LY86: variants seen among roughly 807,000 people sequenced by gnomAD.
LY86 encodes the protein lymphocyte antigen 86, also known as MD-1, RP105-associated.
A neutral mutation model predicts 17.3 loss-of-function variants in LY86; 20 were observed. The observed-to-expected ratio is 1.15, with a 90% confidence interval of 0.81 to 1.68. The LOEUF (loss-of-function observed/expected upper bound fraction) is 1.68, where lower values mean the gene tolerates loss of function less well. LY86 is among the 40% of genes most tolerant of loss of function. LY86 has a pLI of 0.00. For missense variants in LY86, 200 were observed against 191.9 expected (o/e 1.04, Z -0.25); for synonymous variants, 74 against 70.6 (o/e 1.05, Z -0.24).
chr6:6,618,977 G>C (rs562965737), intron 1 of LY86, among the ~76,000 whole-genome samples: 104 of 152,334 alleles, frequency 6.8e-4, no homozygotes, highest in South Asian at 1.5e-3. Context: ...GTGGCATTAA[G>C]GACAGAAAAG....
At chr6:6,601,835 C>T (rs1412908749) in intron 1 of LY86, among the ~76,000 whole-genome samples, 1 of 152,192 alleles carries the variant, frequency 6.6e-6, no homozygotes, top group African/African-American at 2.4e-5. Context: ...TGTGGGAATG[C>T]AGTACCTGGG....
At chr6:6,601,771 G>A (rs1387574171) in intron 1 of LY86, among the ~76,000 whole-genome samples, 2 of 152,086 alleles carry the variant, frequency 1.3e-5, no homozygotes, top group East Asian at 1.9e-4. Flanking sequence ...AAGGGACCAT[G>A]GTGCTTGCCT....
intron 1 of LY86, among the ~76,000 whole-genome samples, chr6:6,606,640 C>T (rs796187159): frequency 2.0e-5 from 3 of 152,196 alleles, no homozygotes; most frequent in Non-Finnish European, 4.4e-5. Context: ...TAAGGCCCGG[C>T]GAGAAATTGA....
intron 3 of LY86, among the ~76,000 whole-genome samples, chr6:6,630,015 ATGTG>A (rs962858013): frequency 2.0e-5 from 3 of 152,260 alleles, no homozygotes; most frequent in African/African-American, 7.2e-5. Context: ...ATTGTATAAA[ATGTG>A]TGTAAGTGTA....
intron 1 of LY86, among the ~76,000 whole-genome samples, chr6:6,612,018 T>C (rs139311939): frequency 1.2e-3 from 61 of 50,750 alleles, no homozygotes; most frequent in African/African-American, 6.8e-3. Flanking sequence ...AAAATAATCT[T>C]TGTGGTCTCT....
At chr6:6,646,501 T>A (rs764324529) in intron 3 of LY86, among the ~76,000 whole-genome samples, 2 of 152,112 alleles carry the variant, frequency 1.3e-5, no homozygotes, top group Non-Finnish European at 2.9e-5. Flanking sequence ...TCTTTACACC[T>A]CAACCACCAT....
intron 1 of LY86, among the ~76,000 whole-genome samples, chr6:6,624,520 T>C (rs1286043811): frequency 6.6e-6 from 1 of 152,190 alleles, no homozygotes; most frequent in Non-Finnish European, 1.5e-5. Flanking sequence ...CTCTCCTAAC[T>C]TTTGTATCTC....
intron 1 of LY86, chr6:6,591,291 G>A (rs1760517259): frequency 6.5e-6 from 1 of 153,808 alleles, no homozygotes; most frequent in Admixed American, 6.5e-5. Context: ...TTTCCCCATG[G>A]AGTCAGTGAA....
intron 1 of LY86, among the ~76,000 whole-genome samples, chr6:6,611,704 CCT>C (rs941245409): frequency 4.6e-5 from 7 of 152,198 alleles, no homozygotes; most frequent in African/African-American, 1.4e-4. Flanking sequence ...GTTTGTCCCC[CCT>C]TTCTCCTGAA....
chr6:6,589,545 C>A (rs1023473903), intron 1 of LY86, among the ~76,000 whole-genome samples: 5 of 152,152 alleles, frequency 3.3e-5, no homozygotes, highest in Admixed American at 2.0e-4. Flanking sequence ...AGTGTCAGAA[C>A]CAACCAATCG....
intron 3 of LY86, among the ~76,000 whole-genome samples, chr6:6,642,605 A>T (rs1473257516): frequency 6.6e-6 from 1 of 152,060 alleles, no homozygotes; most frequent in Admixed American, 6.6e-5. Flanking sequence ...ATCAGTCCCT[A>T]CTCCAAGGCA....
At chr6:6,611,963 A>AATTGAAAGGATAT (rs1761352846) in intron 1 of LY86, among the ~76,000 whole-genome samples, 1 of 152,206 alleles carries the variant, frequency 6.6e-6, no homozygotes, top group Non-Finnish European at 1.5e-5. Flanking sequence ...CAAGCAATCT[A>AATTGAAAGGATAT]CTTGAAAGGA....
intron 3 of LY86, among the ~76,000 whole-genome samples, chr6:6,642,368 T>A (rs1046476115): frequency 6.6e-6 from 1 of 152,176 alleles, no homozygotes; most frequent in Non-Finnish European, 1.5e-5. Context: ...CACAAAGGAC[T>A]CAGAGGCTCA....
chr6:6,603,069 C>T (rs1760963258), intron 1 of LY86, among the ~76,000 whole-genome samples: 1 of 152,026 alleles, frequency 6.6e-6, no homozygotes. Flanking sequence ...CTCTGCTTTA[C>T]AGATGGTCCT....
At chr6:6,596,080 C>A (rs557252325) in intron 1 of LY86, among the ~76,000 whole-genome samples, 2 of 152,218 alleles carry the variant, frequency 1.3e-5, no homozygotes, top group Admixed American at 1.3e-4. Context: ...TGCTACAGGG[C>A]AGGTGCTTTA....
intron 1 of LY86, among the ~76,000 whole-genome samples, chr6:6,605,951 T>TC (rs1352882801): frequency 6.6e-6 from 1 of 152,020 alleles, no homozygotes; most frequent in African/African-American, 2.4e-5. Flanking sequence ...TTATAACTCA[T>TC]AAAAGAAGCG....
chr6:6,606,022 A>C (rs915681891), intron 1 of LY86, among the ~76,000 whole-genome samples: 22 of 152,336 alleles, frequency 1.4e-4, no homozygotes, highest in African/African-American at 4.3e-4. Context: ...CAAAACTTCC[A>C]CAGCACGTAA....
At chr6:6,592,008 T>C (rs1038056618) in intron 1 of LY86, among the ~76,000 whole-genome samples, 1 of 151,922 alleles carries the variant, frequency 6.6e-6, no homozygotes, top group Non-Finnish European at 1.5e-5. Flanking sequence ...GGCCAGGAGG[T>C]TGCATTTTGG....
chr6:6,590,118 T>TAAAAAAA lies in LY86; in HGVS notation c.136+1266_136+1272dup, dbSNP rs34637229. ...GGGCAAGAGGAGCGAAACTCTGTCTTAAAAAAAAAAAAAAAAAAAAAAAAG... is the reference window on the plus strand; with the variant it reads ...GGGCAAGAGGAGCGAAACTCTGTCTTAAAAAAAAAAAAAAAAAAAAAAAAAAAAAAAG... On this transcript the variant is annotated intron_variant, in intron 1 of 4. Transcript: ENST00000230568. 1.4e-3 allele frequency among the ~76,000 whole-genome samples: 112 copies of TAAAAAAA among 80,574 alleles called. 5 individuals carry two copies. In the East Asian group the frequency reaches 0.019, roughly 14 times the overall value. 52.9% of individuals were successfully genotyped at this position (80,574 alleles called of 152,430 possible). A position where few individuals can be genotyped will look rare whatever the true frequency, so the allele number is the denominator to read the frequency against.
Sources: allele counts gnomAD v4.1 joint callset (sites outside exome capture counted in the v4.1 genomes callset), GRCh38; gene constraint gnomAD v4.1.1; transcripts MANE v1.5; gene names NCBI Gene and HGNC (gene_info 2026-07-23, HGNC 2026-07-21).